The following PPM1L variants were observed in gnomAD, a reference collection of about 807,000 sequenced individuals.
PPM1L encodes the protein protein phosphatase 1L.
PPM1L carries 13 observed loss-of-function variants against 31.4 expected under a neutral mutation model. The ratio of observed to expected loss-of-function variants is 0.41; its 90% CI spans 0.27 to 0.66. The LOEUF (loss-of-function observed/expected upper bound fraction) is 0.66. PPM1L is among the 30% of genes least tolerant of loss of function. The probability of loss-of-function intolerance (pLI) is 0.29; values close to 1 mark genes in which losing one functional copy is unlikely to be tolerated. For synonymous variants in PPM1L, 184 were observed against 175.4 expected, an observed-to-expected ratio of 1.05 and a Z score of -0.39; for missense variants, 326 against 453.7, an observed-to-expected ratio of 0.72 and a Z score of 2.56.
rs1273918204 is a variant in PPM1L at position 161,072,429 on chromosome 3, T to C, written c.*3272T>C. On this transcript the variant is annotated 3_prime_UTR_variant, in exon 4 of 4. Transcript: ENST00000498165. ...ATACAGAGAGTGTTATAGTGAAGGATGTAAGCTGGATAATTTAAAACAGAC... is the reference window on the plus strand; with the variant it reads ...ATACAGAGAGTGTTATAGTGAAGGACGTAAGCTGGATAATTTAAAACAGAC... 6.6e-6 allele frequency: 1 copy of C among 152,242 alleles called. No individual in the cohort carries two copies. The highest frequency in any genetic ancestry group is 2.1e-4 in the South Asian group (1 of 4,836). 9.4% of individuals were successfully genotyped at this position (152,242 alleles called of 1,614,324 possible). A position where few individuals can be genotyped will look rare whatever the true frequency, so the allele number is the denominator to read the frequency against.
At chr3:160,995,694 G>C (rs915932292) in intron 2 of PPM1L, among the ~76,000 whole-genome samples, 1 of 152,182 alleles carries the variant, frequency 6.6e-6, no homozygotes, top group Non-Finnish European at 1.5e-5. Context: ...TAAAGAATGA[G>C]AGAAACTATT....
intron 1 of PPM1L, among the ~76,000 whole-genome samples, chr3:160,918,487 A>G (rs1232592900): frequency 2.0e-5 from 3 of 152,228 alleles, no homozygotes; most frequent in Non-Finnish European, 4.4e-5. Context: ...GTTTAGAGTA[A>G]GGTGTCTTTA....
At chr3:160,934,598 A>G (rs554522139) in intron 1 of PPM1L, among the ~76,000 whole-genome samples, 102 of 152,296 alleles carry the variant, frequency 6.7e-4, no homozygotes, top group African/African-American at 2.3e-3. Flanking sequence ...GCATATATGG[A>G]TTCAGGCTGT....
Position 160,890,348 on chromosome 3 carries a change from T to C in PPM1L, c.400-71388T>C, listed in dbSNP as rs369227782. ...CACAAGCATGCCTTTACACCAACAA[T>C]AGACAAGCAGCGAGCCAAATCATGA... On this transcript the variant is annotated intron_variant, in intron 1 of 3. Transcript: ENST00000498165. Among the ~76,000 whole-genome samples, 279 of 152,050 alleles carry C rather than the reference T, an allele frequency of 1.8e-3. 1 individual carries two copies. The highest frequency in any genetic ancestry group is 6.3e-3 in the African/African-American group (260 of 41,442).
intron 2 of PPM1L, among the ~76,000 whole-genome samples, chr3:161,025,407 A>T (rs1405801357): frequency 2.0e-5 from 3 of 151,792 alleles, no homozygotes; most frequent in Admixed American, 6.6e-5. Context: ...CTAAAAACTT[A>T]AAAAAAATAA....
At chr3:160,871,810 G>T (rs1413845739) in intron 1 of PPM1L, among the ~76,000 whole-genome samples, 1 of 151,366 alleles carries the variant, frequency 6.6e-6, no homozygotes, top group South Asian at 2.1e-4. Flanking sequence ...TTACATGTAG[G>T]TGTCATTTAT....
intron 1 of PPM1L, among the ~76,000 whole-genome samples, chr3:160,858,175 A>T (rs911717078): frequency 3.9e-5 from 6 of 152,232 alleles, no homozygotes; most frequent in Admixed American, 1.3e-4. Context: ...TTATGTATTT[A>T]TGAAAGTAAA....
intron 2 of PPM1L, among the ~76,000 whole-genome samples, chr3:161,043,500 A>G (rs1056654463): frequency 2.6e-5 from 4 of 152,174 alleles, no homozygotes; most frequent in African/African-American, 9.7e-5. Flanking sequence ...TGAGCCTTTA[A>G]GTTTCGTTTA....
intron 1 of PPM1L, among the ~76,000 whole-genome samples, chr3:160,782,988 T>TC (rs1278773428): frequency 6.6e-6 from 1 of 152,214 alleles, no homozygotes; most frequent in Non-Finnish European, 1.5e-5. Context: ...TAAGAAAAAC[T>TC]CCCAGTGATT....
intron 1 of PPM1L, among the ~76,000 whole-genome samples, chr3:160,776,234 T>TA (rs1362968635): frequency 2.0e-5 from 3 of 152,206 alleles, no homozygotes; most frequent in African/African-American, 7.2e-5. Flanking sequence ...TATTGAAAAT[T>TA]AGAGTAACTG....
At chr3:160,861,330 G>A (rs1383400572) in intron 1 of PPM1L, among the ~76,000 whole-genome samples, 3 of 152,174 alleles carry the variant, frequency 2.0e-5, no homozygotes, top group African/African-American at 7.2e-5. Context: ...GATACTGATA[G>A]CTTTAACATG....
intron 2 of PPM1L, among the ~76,000 whole-genome samples, chr3:161,058,229 A>G (rs571623796): frequency 6.8e-6 from 1 of 146,752 alleles, no homozygotes; most frequent in Admixed American, 7.0e-5. Context: ...GGCTCAAGCA[A>G]TTCTCCTGCC....
At position 160,941,438 on chromosome 3, in the gene PPM1L, T is replaced by A. The variant is rs546528839; in HGVS notation, c.400-20298T>A. ...TATCTCCCAGAATTCCCATGTGTTG[T>A]GAGAGGGACCCCGCAGAGGTAATTG... On this transcript the variant is annotated intron_variant, in intron 1 of 3. Transcript: ENST00000498165. 2.1e-4 allele frequency among the ~76,000 whole-genome samples: 32 copies of A among 152,282 alleles called. No individual in the cohort carries two copies. The East Asian group carries it at 3.5e-3, about 17-fold the overall frequency.
At chr3:160,857,929 T>C (rs981081320) in intron 1 of PPM1L, among the ~76,000 whole-genome samples, 4 of 152,228 alleles carry the variant, frequency 2.6e-5, no homozygotes, top group Non-Finnish European at 4.4e-5. Context: ...CCATTTTGGG[T>C]GTGGAAGCCT....
chr3:160,888,615 C>A (rs1003214588), intron 1 of PPM1L, among the ~76,000 whole-genome samples: 3 of 152,012 alleles, frequency 2.0e-5, no homozygotes, highest in African/African-American at 7.2e-5. Context: ...AATATTAGAT[C>A]AATGAGACAG....
chr3:160,834,019 ATT>A (rs78707253), intron 1 of PPM1L, among the ~76,000 whole-genome samples: 11,054 of 128,088 alleles, frequency 0.086, 289 homozygotes, highest in Middle Eastern at 0.15. Flanking sequence ...TCTCCCAGGA[ATT>A]TTTTTTTTTT....
chr3:161,014,979 G>GC (rs1382535782), intron 2 of PPM1L, among the ~76,000 whole-genome samples: 1 of 151,984 alleles, frequency 6.6e-6, no homozygotes, highest in Non-Finnish European at 1.5e-5. Context: ...ATTTATTGGA[G>GC]CTGGCAAAGA....
At chr3:160,918,905 C>T (rs12488403) in intron 1 of PPM1L, among the ~76,000 whole-genome samples, 1 of 151,846 alleles carries the variant, frequency 6.6e-6, no homozygotes, top group Non-Finnish European at 1.5e-5. Flanking sequence ...CATTAAAGTT[C>T]AAAAATGCCA....
chr3:160,947,655 A>C (rs1347083975), intron 1 of PPM1L, among the ~76,000 whole-genome samples: 1 of 152,142 alleles, frequency 6.6e-6, no homozygotes, highest in African/African-American at 2.4e-5. Flanking sequence ...CCACTCCCCA[A>C]GAACAGCTAA....
Sources: gnomAD v4.1 joint callset for allele counts (sites outside exome capture counted in the v4.1 genomes callset) on GRCh38, gnomAD v4.1.1 for gene constraint, MANE v1.5 for transcripts, NCBI Gene and HGNC (gene_info 2026-07-23, HGNC 2026-07-21) for gene names.